The following SNAP91 variants were observed in gnomAD, a reference collection of about 807,000 sequenced individuals.
SNAP91 encodes synaptosome associated protein 91, also known as clathrin coat assembly protein AP180.
In SNAP91, 27 loss-of-function variants were observed where a neutral mutation model predicts 100.3. The ratio of observed to expected loss-of-function variants is 0.27; its 90% CI spans 0.20 to 0.37. SNAP91 has a LOEUF of 0.37. Among genes scored for constraint, SNAP91 ranks in the 10% least tolerant of loss-of-function variants. The pLI is 1.00. For missense variants in SNAP91, 986 were observed against 1,123.7 expected, an observed-to-expected ratio of 0.88 and a Z score of 1.75; for synonymous variants, 404 against 398.6, an observed-to-expected ratio of 1.01 and a Z score of -0.16.
At chr6:83,695,752 A>C (rs545997053) in intron 2 of SNAP91, among the ~76,000 whole-genome samples, 1 of 152,168 alleles carries the variant, frequency 6.6e-6, no homozygotes, top group Non-Finnish European at 1.5e-5. Context: ...TCACAGCACT[A>C]TCCTACGAAA....
At chr6:83,577,288 A>G (rs12194342) in intron 24 of SNAP91, among the ~76,000 whole-genome samples, 6,845 of 152,302 alleles carry the variant, frequency 0.045, 195 homozygotes, top group East Asian at 0.076. Context: ...TTGGCATTAC[A>G]AAACAGAATA....
chr6:83,670,319 C>G (rs373845711), intron 2 of SNAP91, among the ~76,000 whole-genome samples: 1 of 148,960 alleles, frequency 6.7e-6, no homozygotes, highest in East Asian at 2.0e-4. Context: ...TCCCTAATGA[C>G]TATAATGGTG....
rs988719454 is a variant in SNAP91 at position 83,682,839 on chromosome 6, G to A, written c.131-17258C>T. 2.1e-4 allele frequency among the ~76,000 whole-genome samples: 32 copies of A among 148,922 alleles called. 1 individual carries two copies. Among genetic ancestry groups the A allele is most frequent in the Admixed American group, 1.5e-3 (22 of 14,684 alleles). On this transcript the variant is annotated intron_variant, in intron 2 of 29. Coordinates refer to ENST00000369694, the MANE Select transcript of SNAP91 (RefSeq NM_001242792.2). ...AATTAGCCTTTTTTTTTGAGGAAAA[G>A]GAAACATAAGATCCCTCTCTTATGC...
chr6:83,582,162 G>C, intron 23 of SNAP91, 60 bp downstream of exon 23: 1 of 1,572,132 alleles, frequency 6.4e-7, no homozygotes, highest in Non-Finnish European at 8.7e-7. Context: ...CTAACCTTAG[G>C]TAGTACTTTT....
At chr6:83,590,987 G>T (rs1421015694) in intron 22 of SNAP91, among the ~76,000 whole-genome samples, 1 of 152,000 alleles carries the variant, frequency 6.6e-6, no homozygotes, top group Non-Finnish European at 1.5e-5. Context: ...TGTTACATGG[G>T]TGTACTATGA....
At chr6:83,709,256 G>A (rs1048509624), upstream of SNAP91, 12 of 152,232 alleles carry the variant, frequency 7.9e-5, no homozygotes, top group Non-Finnish European at 1.6e-4. Flanking sequence ...TAAAGGCGAG[G>A]GGGCGCCTCG....
At chr6:83,586,810 C>A (rs556906495) in intron 22 of SNAP91, among the ~76,000 whole-genome samples, 4 of 151,980 alleles carry the variant, frequency 2.6e-5, no homozygotes, top group Non-Finnish European at 5.9e-5. Flanking sequence ...TGCTTCCCCC[C>A]ACCCCCATTA....
At chr6:83,588,445 AC>A (rs1456145960) in intron 22 of SNAP91, among the ~76,000 whole-genome samples, 1 of 152,172 alleles carries the variant, frequency 6.6e-6, no homozygotes, top group Admixed American at 6.5e-5. Context: ...CCTCTTTTCT[AC>A]CCCATTTTAA....
intron 7 of SNAP91, among the ~76,000 whole-genome samples, chr6:83,645,998 C>T (rs1164378042): frequency 1.3e-5 from 2 of 152,130 alleles, no homozygotes; most frequent in Non-Finnish European, 2.9e-5. Flanking sequence ...ATTGCATTTC[C>T]TTTTAGCACG....
At chr6:83,554,756 C>T (rs1393141530) in intron 29 of SNAP91, among the ~76,000 whole-genome samples, 1 of 152,120 alleles carries the variant, frequency 6.6e-6, no homozygotes, top group African/African-American at 2.4e-5. Context: ...ACAGAGAGAT[C>T]CCTGGCGACC....
chr6:83,617,009 G>T lies in SNAP91; in HGVS notation c.838C>A (p.Gln280Lys). 2 of 1,547,910 alleles carry T rather than the reference G, an allele frequency of 1.3e-6. No individual in the cohort carries two copies. Among genetic ancestry groups the T allele is most frequent in the Middle Eastern group, 3.4e-4 (2 of 5,898 alleles). Residue 280 changes from glutamine to lysine, a missense_variant, in exon 10 of 30, where the codon CAG (glutamine) becomes AAG (lysine). Around this residue, in one of 4 missense-constraint regions of SNAP91, gnomAD observed 330 missense variants for 447.5 expected, o/e 0.74. Coordinates refer to ENST00000369694, the MANE Select transcript of SNAP91 (RefSeq NM_001242792.2). ...APSSLMETLEQHLNTLEGKKP... is the reference protein window; with the variant it reads ...APSSLMETLEKHLNTLEGKKP... Reference sequence around the variant, plus strand: ...TTTCCTTCTAATGTATTTAGATGCTGTTCAAGCGTCTCCATAAGACTGCTG... The same window carrying T: ...TTTCCTTCTAATGTATTTAGATGCTTTTCAAGCGTCTCCATAAGACTGCTG...
At chr6:83,697,324 GCACACACA>G (rs57251608) in intron 2 of SNAP91, among the ~76,000 whole-genome samples, 1,535 of 138,134 alleles carry the variant, frequency 0.011, 21 homozygotes, top group African/African-American at 0.038. Context: ...GAAAATAGCT[GCACACACA>G]CACACACACA....
chr6:83,569,803 G>C (rs539979575), intron 26 of SNAP91, among the ~76,000 whole-genome samples: 1 of 152,254 alleles, frequency 6.6e-6, no homozygotes, highest in East Asian at 1.9e-4. Context: ...CCCCAAACAA[G>C]CGCTCTCTTT....
chr6:83,703,153 G>GGT (rs199579060), intron 2 of SNAP91, among the ~76,000 whole-genome samples: 3 of 141,718 alleles, frequency 2.1e-5, no homozygotes, highest in Non-Finnish European at 4.7e-5. Flanking sequence ...AAAGTGAGAG[G>GGT]GTGTGTTTTT....
At chr6:83,640,299 C>G (rs770719173) in intron 8 of SNAP91, among the ~76,000 whole-genome samples, 3 of 152,102 alleles carry the variant, frequency 2.0e-5, no homozygotes, top group Non-Finnish European at 4.4e-5. Flanking sequence ...ATGACAAAAA[C>G]AGCAAAAACA....
chr6:83,658,036 G>T (rs995585210), intron 6 of SNAP91, among the ~76,000 whole-genome samples: 1 of 150,808 alleles, frequency 6.6e-6, no homozygotes, highest in African/African-American at 2.4e-5. Flanking sequence ...GCCTGCTTTG[G>T]CCTCCCAAAG....
intron 2 of SNAP91, among the ~76,000 whole-genome samples, chr6:83,697,952 C>T (rs1347025365): frequency 1.3e-5 from 2 of 151,900 alleles, no homozygotes; most frequent in Non-Finnish European, 2.9e-5. Context: ...GAAGAGAATC[C>T]CACTATAGCT....
At position 83,655,584 on chromosome 6, in the gene SNAP91, G is replaced by T. The variant is rs2098382003; in HGVS notation, c.658+1170C>A. Among the ~76,000 whole-genome samples, 3 of 152,052 alleles carry T rather than the reference G, an allele frequency of 2.0e-5. No homozygotes were observed. In the South Asian group the frequency reaches 6.2e-4, roughly 32 times the overall value. ...GTTTACTTTTACCTCAGTTTACCTT[G>T]GTTTATTTTTACCTACCTTTTACTT... On this transcript the variant is annotated intron_variant, in intron 7 of 29. Transcript: ENST00000369694.
intron 4 of SNAP91, 78 bp downstream of exon 4, chr6:83,662,269 T>G (rs1356538768): frequency 4.1e-6 from 2 of 486,232 alleles, no homozygotes; most frequent in Non-Finnish European, 7.3e-6. Flanking sequence ...AGCTATCAGT[T>G]GCAATGATTT....
Sources: gnomAD v4.1 joint callset for allele counts (sites outside exome capture counted in the v4.1 genomes callset) on GRCh38, gnomAD v4.1.1 for gene constraint, gnomAD v4.1.1 regional missense constraint, MANE v1.5 for transcripts, NCBI Gene and HGNC (gene_info 2026-07-23, HGNC 2026-07-21) for gene names.